The following OR2C1 variants were observed in gnomAD, a reference collection of about 807,000 sequenced individuals.
OR2C1 encodes olfactory receptor family 2 subfamily C member 1, also known as olfactory receptor 2C1.
For synonymous variants in OR2C1, 209 were observed against 167.3 expected (o/e 1.25, Z -1.92); for missense variants, 468 against 388.3 (o/e 1.21, Z -1.73).
At chr16:3,332,859 A>C in the OR2C1 span, among the ~76,000 whole-genome samples, 1 of 152,066 alleles carries the variant, frequency 6.6e-6, no homozygotes, top group Non-Finnish European at 1.5e-5. Context: ...ATATCTCTTC[A>C]ATATATTGAC....
upstream of OR2C1, among the ~76,000 whole-genome samples, chr16:3,353,156 G>C (rs1596414021): frequency 6.6e-6 from 1 of 151,652 alleles, no homozygotes; most frequent in African/African-American, 2.4e-5. Context: ...CTGATTATCC[G>C]GTTAGTAACT....
At chr16:3,357,622 C>G (rs1001687775), downstream of OR2C1, among the ~76,000 whole-genome samples, 4 of 152,208 alleles carry the variant, frequency 2.6e-5, no homozygotes, top group Non-Finnish European at 4.4e-5. Context: ...AATCTTCCTG[C>G]CTTGACTTCC....
At chr16:3,342,675 C>A in the OR2C1 span, among the ~76,000 whole-genome samples, 1 of 152,106 alleles carries the variant, frequency 6.6e-6, no homozygotes, top group Admixed American at 6.6e-5. Context: ...GTCGGGAGTT[C>A]GAGATCAGCC....
Position 3,356,660 on chromosome 16 carries a change from G to T in OR2C1, c.720G>T (p.Thr240=), listed in dbSNP as rs527455777. The T allele has an allele frequency of 1.9e-6, 3 of 1,614,002 alleles. No individual in the cohort carries two copies. The highest frequency in any genetic ancestry group is 3.3e-5 in the Admixed American group (2 of 60,000). Residue 240 remains threonine, a synonymous_variant, in exon 1 of 1, where the codon ACG becomes ACT. Transcript: ENST00000304936. ...SAEGRRKAFN[T]CLSHLLVVFL... ...AGGGGAGGCGAAAGGCGTTCAATAC[G>T]TGCCTCTCCCATCTGCTGGTGGTGT...
chr16:3,336,239 G>A, the OR2C1 span, among the ~76,000 whole-genome samples: 919 of 152,076 alleles, frequency 6.0e-3, 12 homozygotes, highest in African/African-American at 0.021. Flanking sequence ...TGTATCCCTG[G>A]GATGAATCCC....
At position 3,356,474 on chromosome 16, in the gene OR2C1, C is replaced by G. The variant is rs747936149; in HGVS notation, c.534C>G (p.Leu178=). The change falls in exon 1 of 1, where the codon CTC becomes CTG. Residue 178 remains leucine, a synonymous_variant. Coordinates refer to ENST00000304936, the MANE Select transcript of OR2C1 (RefSeq NM_012368.3). ...LCGHRRVEGF[L]CEVPAMIKLA... is the part of the protein sequence containing the mutation. Reference sequence around the variant, plus strand: ...GGCACCGGAGGGTGGAGGGATTCCTCTGCGAGGTGCCTGCCATGATCAAAC... The same window carrying G: ...GGCACCGGAGGGTGGAGGGATTCCTGTGCGAGGTGCCTGCCATGATCAAAC... 6.2e-7 allele frequency: 1 copy of G among 1,614,088 alleles called. No homozygotes were observed. Among genetic ancestry groups the G allele is most frequent in the Non-Finnish European group, 8.5e-7 (1 of 1,180,044 alleles).
upstream of OR2C1, among the ~76,000 whole-genome samples, chr16:3,353,487 C>A (rs1464471584): frequency 4.7e-5 from 2 of 42,212 alleles, no homozygotes; most frequent in African/African-American, 1.4e-4. Context: ...GAGACTCCGT[C>A]TCAAAAAAAA....
At chr16:3,323,869 CT>C in the OR2C1 span, 4 of 1,373,252 alleles carry the variant, frequency 2.9e-6, no homozygotes, top group Admixed American at 2.0e-5. Flanking sequence ...AAGCCTTCCT[CT>C]TTTTCAGGAG....
At chr16:3,324,327 C>A in the OR2C1 span, among the ~76,000 whole-genome samples, 3 of 152,070 alleles carry the variant, frequency 2.0e-5, no homozygotes, top group Non-Finnish European at 4.4e-5. Context: ...GTAGCTGGCA[C>A]CACAGGTGTG....
At chr16:3,357,696 A>G (rs2030705421), downstream of OR2C1, among the ~76,000 whole-genome samples, 2 of 152,154 alleles carry the variant, frequency 1.3e-5, no homozygotes, top group South Asian at 4.1e-4. Context: ...ATAATGCAGT[A>G]TACCACTGGG....
chr16:3,337,540 A>C, the OR2C1 span, among the ~76,000 whole-genome samples: 6 of 152,056 alleles, frequency 3.9e-5, no homozygotes, highest in Admixed American at 6.6e-5. Context: ...TCTCTAATGA[A>C]AATTTTAATT....
At chr16:3,349,378 G>A in the OR2C1 span, among the ~76,000 whole-genome samples, 1 of 151,944 alleles carries the variant, frequency 6.6e-6, no homozygotes. Flanking sequence ...ACCCTTGGGC[G>A]CTGCAGAGCC....
At chr16:3,349,446 C>T in the OR2C1 span, among the ~76,000 whole-genome samples, 6 of 152,288 alleles carry the variant, frequency 3.9e-5, no homozygotes, top group South Asian at 1.2e-3. Flanking sequence ...GCCAGAAGAG[C>T]CCCGAGGTTA....
the OR2C1 span, among the ~76,000 whole-genome samples, chr16:3,339,306 GAATA>G: frequency 7.5e-5 from 11 of 147,324 alleles, no homozygotes; most frequent in South Asian, 4.3e-4. Flanking sequence ...TTGGCTAAAT[GAATA>G]GTGTTGCTAT....
chr16:3,346,725 G>T, the OR2C1 span, among the ~76,000 whole-genome samples: 1 of 148,720 alleles, frequency 6.7e-6, no homozygotes, highest in Non-Finnish European at 1.5e-5. Flanking sequence ...TGCCTCCTGG[G>T]TTCAATCAAT....
At chr16:3,325,460 A>AATAT in the OR2C1 span, among the ~76,000 whole-genome samples, 1,451 of 92,392 alleles carry the variant, frequency 0.016, 12 homozygotes, top group African/African-American at 0.019. Context: ...TATGTCTAAA[A>AATAT]ATATATATAT....
chr16:3,327,864 A>G, the OR2C1 span, among the ~76,000 whole-genome samples: 13 of 152,054 alleles, frequency 8.5e-5, no homozygotes, highest in African/African-American at 3.1e-4. Context: ...TTTTTCTTGA[A>G]ACAATGTGTA....
chr16:3,346,454 C>T, the OR2C1 span, among the ~76,000 whole-genome samples: 1 of 152,088 alleles, frequency 6.6e-6, no homozygotes, highest in African/African-American at 2.4e-5. Context: ...ATTAACCAGA[C>T]CTATGGTCCC....
At chr16:3,346,885 G>A in the OR2C1 span, among the ~76,000 whole-genome samples, 1 of 150,722 alleles carries the variant, frequency 6.6e-6, no homozygotes, top group Non-Finnish European at 1.5e-5. Context: ...GCCCACCTCA[G>A]GCTCCCAAAG....
Sources: gnomAD v4.1 joint callset for allele counts (sites outside exome capture counted in the v4.1 genomes callset) on GRCh38, gnomAD v4.1.1 for gene constraint, MANE v1.5 for transcripts, NCBI Gene and HGNC (gene_info 2026-07-23, HGNC 2026-07-21) for gene names.